Variants in ADORA2B observed in about 807,000 individuals in gnomAD.
ADORA2B encodes adenosine A2b receptor, also known as adenosine receptor A2b.
A neutral mutation model predicts 20.8 loss-of-function variants in ADORA2B; 18 were observed. The observed-to-expected ratio is 0.87, with a 90% CI of 0.60 to 1.29. The LOEUF (loss-of-function observed/expected upper bound fraction) is 1.29. Ranked by LOEUF, ADORA2B falls within the 50% of genes most tolerant of loss-of-function variation. The pLI is 0.00. For synonymous variants in ADORA2B, 179 were observed against 178.3 expected, an observed-to-expected ratio of 1.00 and a Z score of -0.03; for missense variants, 441 against 422.7, an observed-to-expected ratio of 1.04 and a Z score of -0.38.
chr17:15,903,414 C>T, the ADORA2B span, among the ~76,000 whole-genome samples: 41 of 152,294 alleles, frequency 2.7e-4, no homozygotes, highest in Admixed American at 1.8e-3. Flanking sequence ...ACAGTGGGAA[C>T]TCTGCTAAAT....
chr17:15,939,826 C>G, the ADORA2B span, among the ~76,000 whole-genome samples: 1 of 144,560 alleles, frequency 6.9e-6, no homozygotes, highest in Admixed American at 7.1e-5. Context: ...CACCACTGCA[C>G]TCCAGCCTGG....
the ADORA2B span, among the ~76,000 whole-genome samples, chr17:15,878,761 T>C: frequency 6.6e-6 from 1 of 152,228 alleles, no homozygotes; most frequent in Non-Finnish European, 1.5e-5. Flanking sequence ...TACATCTGTT[T>C]TGAATTTACT....
the ADORA2B span, among the ~76,000 whole-genome samples, chr17:15,877,620 G>T: frequency 1.5e-4 from 23 of 152,180 alleles, no homozygotes; most frequent in East Asian, 3.3e-3. Context: ...TTGTAAATTC[G>T]TTTAATTCCC....
the ADORA2B span, among the ~76,000 whole-genome samples, chr17:15,895,597 C>T: frequency 6.6e-6 from 1 of 152,192 alleles, no homozygotes; most frequent in African/African-American, 2.4e-5. Context: ...TCTGCGCTGC[C>T]TTCATGGCAG....
the ADORA2B span, among the ~76,000 whole-genome samples, chr17:15,858,035 C>T: frequency 7.1e-6 from 1 of 141,282 alleles, no homozygotes; most frequent in South Asian, 2.2e-4. Flanking sequence ...TTGCATCCAC[C>T]TCAGCTTTTG....
the ADORA2B span, among the ~76,000 whole-genome samples, chr17:15,910,353 A>C: frequency 6.6e-6 from 1 of 151,726 alleles, no homozygotes; most frequent in South Asian, 2.1e-4. Context: ...GCTGGAGTGC[A>C]GTGGCGTGAT....
chr17:15,947,010 G>A (rs377369999), intron 1 of ADORA2B, among the ~76,000 whole-genome samples: 8 of 152,208 alleles, frequency 5.3e-5, no homozygotes, highest in Non-Finnish European at 1.0e-4. Context: ...AGGTTGTTTC[G>A]TGGGTCCCAG....
the ADORA2B span, among the ~76,000 whole-genome samples, chr17:15,851,128 C>G: frequency 6.6e-6 from 1 of 151,628 alleles, no homozygotes. Context: ...AGTGAAGATC[C>G]TTATGCAATT....
At chr17:15,898,790 C>T in the ADORA2B span, among the ~76,000 whole-genome samples, 2 of 152,168 alleles carry the variant, frequency 1.3e-5, no homozygotes, top group Non-Finnish European at 2.9e-5. Flanking sequence ...GATGGATGGT[C>T]TGTGAGGAGC....
chr17:15,863,311 A>G, the ADORA2B span, among the ~76,000 whole-genome samples: 1 of 152,056 alleles, frequency 6.6e-6, no homozygotes, highest in Non-Finnish European at 1.5e-5. Flanking sequence ...GATATCTGGT[A>G]TTTTTAATAT....
intron 1 of ADORA2B, among the ~76,000 whole-genome samples, chr17:15,964,115 C>G (rs905960366): frequency 6.6e-6 from 1 of 152,248 alleles, no homozygotes; most frequent in African/African-American, 2.4e-5. Flanking sequence ...CCGTGCCCAT[C>G]TGCAGAGATA....
At chr17:15,909,725 C>A in the ADORA2B span, among the ~76,000 whole-genome samples, 1 of 152,224 alleles carries the variant, frequency 6.6e-6, no homozygotes, top group Non-Finnish European at 1.5e-5. Context: ...GGACCCTGGG[C>A]TGACAGCAAA....
chr17:15,851,552 C>G, the ADORA2B span, among the ~76,000 whole-genome samples: 1 of 152,104 alleles, frequency 6.6e-6, no homozygotes, highest in Non-Finnish European at 1.5e-5. Context: ...AAATGCCTTC[C>G]CAGCCATGCT....
At chr17:15,923,446 C>T in the ADORA2B span, among the ~76,000 whole-genome samples, 1 of 150,174 alleles carries the variant, frequency 6.7e-6, no homozygotes, top group African/African-American at 2.5e-5. Flanking sequence ...GCTCTGTCAC[C>T]CAGGCTGGAG....
At chr17:15,917,721 C>T in the ADORA2B span, among the ~76,000 whole-genome samples, 26 of 152,360 alleles carry the variant, frequency 1.7e-4, no homozygotes, top group Non-Finnish European at 3.2e-4. Flanking sequence ...CCTGCCCCTG[C>T]CTAGCCTGGC....
chr17:15,930,450 C>G, the ADORA2B span, among the ~76,000 whole-genome samples: 5 of 152,032 alleles, frequency 3.3e-5, no homozygotes, highest in Admixed American at 6.6e-5. Flanking sequence ...TGTGCACCAC[C>G]TCACCTGGCT....
chr17:15,968,635 T>C (rs1015880715), intron 1 of ADORA2B, among the ~76,000 whole-genome samples: 6 of 152,192 alleles, frequency 3.9e-5, no homozygotes, highest in African/African-American at 1.2e-4. Context: ...TAGATTCCTA[T>C]GCAGGAAAAT....
At chr17:15,852,667 C>G in the ADORA2B span, among the ~76,000 whole-genome samples, 2 of 152,184 alleles carry the variant, frequency 1.3e-5, no homozygotes, top group South Asian at 4.2e-4. Flanking sequence ...CAGAAAACCA[C>G]AATCTATAAA....
At chr17:15,960,131 G>T (rs895196335) in intron 1 of ADORA2B, among the ~76,000 whole-genome samples, 2 of 152,312 alleles carry the variant, frequency 1.3e-5, no homozygotes, top group African/African-American at 4.8e-5. Flanking sequence ...AGTCAAATGT[G>T]GTGGCGCATG....
Sources: allele counts gnomAD v4.1 joint callset (sites outside exome capture counted in the v4.1 genomes callset), GRCh38; gene constraint gnomAD v4.1.1; transcripts MANE v1.5; gene names NCBI Gene and HGNC (gene_info 2026-07-23, HGNC 2026-07-21).